Variants in RAPGEF1 observed in about 807,000 individuals in gnomAD.
RAPGEF1 encodes Rap guanine nucleotide exchange factor 1.
RAPGEF1 carries 33 observed loss-of-function variants against 143.3 expected under a neutral mutation model. The ratio of observed to expected loss-of-function variants is 0.23; its 90% CI spans 0.17 to 0.31. The LOEUF (loss-of-function observed/expected upper bound fraction) is 0.31. Among genes scored for constraint, RAPGEF1 ranks in the 10% least tolerant of loss-of-function variants. The pLI is 1.00. For missense variants in RAPGEF1, 1,199 were observed against 1,645.4 expected (o/e 0.73, Z 4.69); for synonymous variants, 629 against 676.5 (o/e 0.93, Z 1.09).
At position 131,589,956 on chromosome 9, in the gene RAPGEF1, C is replaced by G; in HGVS notation, c.2797G>C (p.Ala933Pro). The G allele has an allele frequency of 6.2e-7, 1 of 1,613,676 alleles. No individual in the cohort carries two copies. Among genetic ancestry groups the G allele is most frequent in the Non-Finnish European group, 8.5e-7 (1 of 1,179,762 alleles). ...CTGACGCGCTTCTTGAATGTGTCGG[C>G]AAAGGGAGAGAATTTCTCATATGTG... The part of the protein sequence containing the change: ...QYRYEKFSPF[A>P]DTFKKRVSKN... The change falls in exon 19 of 27, where the codon GCC (alanine) becomes CCC (proline). Residue 933 changes from alanine (A) to proline (P), a missense_variant. By Grantham distance (27) the Ala-to-Pro change is conservative. Coordinates refer to ENST00000683357, the MANE Select transcript of RAPGEF1 (RefSeq NM_001377935.1).
intron 1 of RAPGEF1, among the ~76,000 whole-genome samples, chr9:131,678,983 C>T (rs1832682054): frequency 6.6e-6 from 1 of 152,124 alleles, no homozygotes; most frequent in Non-Finnish European, 1.5e-5. Context: ...CTAGACAAAA[C>T]AGGCCAGCAG....
chr9:131,614,936 T>C (rs1958684244), intron 12 of RAPGEF1, among the ~76,000 whole-genome samples: 1 of 152,158 alleles, frequency 6.6e-6, no homozygotes, highest in African/African-American at 2.4e-5. Flanking sequence ...TCCAGATTCA[T>C]TCTGGAAGCC....
At chr9:131,709,507 T>C in intron 1 of RAPGEF1, 2 of 912,572 alleles carry the variant, frequency 2.2e-6, no homozygotes, top group South Asian at 3.1e-5. Flanking sequence ...CTACCTGTGC[T>C]TTCTGCTCTG....
chr9:131,637,956 G>T (rs1966804463), intron 5 of RAPGEF1, among the ~76,000 whole-genome samples: 1 of 152,220 alleles, frequency 6.6e-6, no homozygotes, highest in African/African-American at 2.4e-5. Context: ...CAACAGCGGG[G>T]TTTCCACTGT....
chr9:131,642,520 C>CA (rs2133305392), intron 4 of RAPGEF1, among the ~76,000 whole-genome samples: 1 of 152,358 alleles, frequency 6.6e-6, no homozygotes, highest in Admixed American at 6.5e-5. Context: ...ACCTCTTAGT[C>CA]AAAGGCTGCG....
At chr9:131,616,200 G>A (rs1172724906) in intron 12 of RAPGEF1, among the ~76,000 whole-genome samples, 4 of 152,142 alleles carry the variant, frequency 2.6e-5, no homozygotes, top group African/African-American at 7.2e-5. Flanking sequence ...CTGGGAGGCG[G>A]AGGTTGCAGT....
At chr9:131,618,340 A>G (rs535256222) in intron 12 of RAPGEF1, among the ~76,000 whole-genome samples, 113 of 152,372 alleles carry the variant, frequency 7.4e-4, no homozygotes, top group Non-Finnish European at 1.5e-3. Context: ...CAGTGAGTTC[A>G]GCCAAAATTG....
intron 4 of RAPGEF1, 99 bp downstream of exon 4, chr9:131,643,140 G>T: frequency 7.3e-7 from 1 of 1,365,862 alleles, no homozygotes; most frequent in South Asian, 1.5e-5. Context: ...TCCTTTTCCT[G>T]ACTGTTCCTA....
At position 131,608,400 on chromosome 9, in the gene RAPGEF1, A is replaced by G. The variant is rs75061048; in HGVS notation, c.2062-3212T>C. Among the ~76,000 whole-genome samples the G allele has an allele frequency of 8.2e-4, 125 of 152,348 alleles. 1 individual carries two copies. In the East Asian group the frequency reaches 0.022, roughly 27 times the overall value. Reference sequence around the variant, plus strand: ...CACTGTATTAATTAAGGTGTCTAGAATATTACCTGACTCACAGAAGCGTCT... The same window carrying G: ...CACTGTATTAATTAAGGTGTCTAGAGTATTACCTGACTCACAGAAGCGTCT... On this transcript the variant is annotated intron_variant, in intron 12 of 26. Coordinates refer to ENST00000683357, the MANE Select transcript of RAPGEF1 (RefSeq NM_001377935.1).
At chr9:131,587,563 TC>T (rs984849445) in intron 22 of RAPGEF1, among the ~76,000 whole-genome samples, 172 bp downstream of exon 22, 94 of 152,268 alleles carry the variant, frequency 6.2e-4, no homozygotes, top group African/African-American at 2.2e-3. Context: ...CCCCATCCTG[TC>T]CCTGCCCCTG....
At chr9:131,620,251 C>G (rs1960442851) in intron 11 of RAPGEF1, among the ~76,000 whole-genome samples, 1 of 147,712 alleles carries the variant, frequency 6.8e-6, no homozygotes. Flanking sequence ...AAAATATTTT[C>G]AATAAATCTG....
At chr9:131,587,867 C>T (rs758856253) in intron 21 of RAPGEF1, 37 bp from the exon 22 acceptor site, 10 of 1,604,662 alleles carry the variant, frequency 6.2e-6, no homozygotes, top group East Asian at 4.5e-5. Flanking sequence ...GGTGGAGCCC[C>T]GGCTTTCCCC....
chr9:131,702,962 C>A (rs1033915840), intron 1 of RAPGEF1, among the ~76,000 whole-genome samples: 1 of 152,120 alleles, frequency 6.6e-6, no homozygotes, highest in Non-Finnish European at 1.5e-5. Flanking sequence ...ATCGTGCAGC[C>A]GCTCTGAAAA....
chr9:131,634,620 G>A (rs1965813186), intron 5 of RAPGEF1, among the ~76,000 whole-genome samples: 1 of 143,212 alleles, frequency 7.0e-6, no homozygotes, highest in African/African-American at 2.7e-5. Context: ...GGCTGAGGCA[G>A]GAGAATCACT....
At chr9:131,709,616 T>C in intron 1 of RAPGEF1, 1 of 1,613,744 alleles carries the variant, frequency 6.2e-7, no homozygotes, top group Non-Finnish European at 8.5e-7. Context: ...CAGGGCTTTC[T>C]TACCTTGTTT....
chr9:131,645,378 G>A (rs1969291693), intron 3 of RAPGEF1, among the ~76,000 whole-genome samples: 1 of 152,232 alleles, frequency 6.6e-6, no homozygotes, highest in Non-Finnish European at 1.5e-5. Flanking sequence ...GTCACACAGG[G>A]AGAAAGTGGC....
At position 131,675,908 on chromosome 9, in the gene RAPGEF1, C is replaced by CAT. The variant is rs1491166373; in HGVS notation, c.62-24960_62-24959insAT. Among the ~76,000 whole-genome samples, 1 of 151,918 alleles carries CAT rather than the reference C, an allele frequency of 6.6e-6. No homozygotes were observed. Among genetic ancestry groups the CAT allele is most frequent in the Non-Finnish European group, 1.5e-5 (1 of 67,952 alleles). On this transcript the variant is annotated intron_variant, in intron 1 of 26. Transcript: ENST00000683357. This position sits in a 1 kb window ranked among gnomAD's most constrained non-coding sequence, Gnocchi z 4.6. ...CGAACTGCTCAGTTTGACAAAAACT[C>CAT]AGTCTTTTTTTTTTTTTTAATCTCG...
intron 1 of RAPGEF1, among the ~76,000 whole-genome samples, chr9:131,724,215 C>T (rs1052269155): frequency 6.6e-6 from 1 of 152,124 alleles, no homozygotes; most frequent in African/African-American, 2.4e-5. Flanking sequence ...TGTTAAGATA[C>T]AGGTTTGATA....
intron 1 of RAPGEF1, among the ~76,000 whole-genome samples, chr9:131,728,206 G>A (rs1450415279): frequency 1.3e-5 from 2 of 152,148 alleles, no homozygotes; most frequent in African/African-American, 4.8e-5. Flanking sequence ...AAAATAAAGG[G>A]TATGAAATCC....
Sources: allele counts gnomAD v4.1 joint callset (sites outside exome capture counted in the v4.1 genomes callset), GRCh38; gene constraint gnomAD v4.1.1; non-coding constraint Gnocchi (gnomAD v3.1); transcripts MANE v1.5; gene names NCBI Gene and HGNC (gene_info 2026-07-23, HGNC 2026-07-21).